FAM78B: variants seen among roughly 807,000 people sequenced by gnomAD.
The protein encoded by FAM78B is protein FAM78B.
In FAM78B, 10 loss-of-function variants were observed where a neutral mutation model predicts 20.0. That is an observed-to-expected ratio of 0.50 (90% CI 0.31 to 0.85). FAM78B has a LOEUF of 0.85. Among genes scored for constraint, FAM78B ranks in the 40% least tolerant of loss-of-function variants. FAM78B has a pLI of 0.05. For missense variants in FAM78B, 283 were observed against 345.0 expected (o/e 0.82, Z 1.42); for synonymous variants, 135 against 132.8 (o/e 1.02, Z -0.12).
At chr1:166,095,874 C>T (rs780536702) in intron 1 of FAM78B, among the ~76,000 whole-genome samples, 14 of 151,972 alleles carry the variant, frequency 9.2e-5, no homozygotes, top group Non-Finnish European at 1.9e-4. Context: ...GTGCTGGCTC[C>T]CAGGATCAGT....
chr1:166,077,871 TAA>T (rs1263877441), intron 1 of FAM78B, among the ~76,000 whole-genome samples: 15,616 of 33,136 alleles, frequency 0.47, 2,648 homozygotes, highest in Admixed American at 0.6. Flanking sequence ...TTTATATATA[TAA>T]TTATATATAT....
At chr1:166,078,553 G>C (rs7533518) in intron 1 of FAM78B, among the ~76,000 whole-genome samples, 1 of 152,120 alleles carries the variant, frequency 6.6e-6, no homozygotes. Context: ...ATCATGTTAA[G>C]CATTTCATTC....
At chr1:166,134,573 G>A (rs1655004963) in intron 1 of FAM78B, among the ~76,000 whole-genome samples, 1 of 152,060 alleles carries the variant, frequency 6.6e-6, no homozygotes, top group South Asian at 2.1e-4. Flanking sequence ...TAAAAAGACT[G>A]GAGCATAAAT....
At chr1:166,151,510 T>G (rs1198017859) in intron 1 of FAM78B, among the ~76,000 whole-genome samples, 5 of 152,228 alleles carry the variant, frequency 3.3e-5, no homozygotes, top group Non-Finnish European at 7.3e-5. Flanking sequence ...ATTCCTGGGT[T>G]CTGATCCAGA....
chr1:166,155,948 C>T (rs1181621816), intron 1 of FAM78B, among the ~76,000 whole-genome samples: 21 of 152,316 alleles, frequency 1.4e-4, no homozygotes, highest in Admixed American at 1.3e-3. Context: ...CTTGGACTTG[C>T]CAAAGCCTGT....
intron 1 of FAM78B, among the ~76,000 whole-genome samples, chr1:166,135,767 C>G (rs1479702774): frequency 6.6e-6 from 1 of 152,226 alleles, no homozygotes; most frequent in Non-Finnish European, 1.5e-5. Context: ...AGCCATAGCA[C>G]TTTTAACTCA....
chr1:166,121,578 G>A (rs1654466734), intron 1 of FAM78B, among the ~76,000 whole-genome samples: 1 of 152,158 alleles, frequency 6.6e-6, no homozygotes, highest in South Asian at 2.1e-4. Flanking sequence ...TCTAAAGCAT[G>A]GGTCCCAGGG....
chr1:166,064,203 T>C (rs895273237), intron 2 of FAM78B, among the ~76,000 whole-genome samples: 2 of 152,238 alleles, frequency 1.3e-5, no homozygotes, highest in East Asian at 1.9e-4. Flanking sequence ...CTGGGGACTG[T>C]AGGGTACAAA....
intron 1 of FAM78B, among the ~76,000 whole-genome samples, chr1:166,117,945 C>T (rs554297825): frequency 7.4e-4 from 112 of 152,136 alleles, no homozygotes; most frequent in Non-Finnish European, 1.1e-3. Flanking sequence ...CCCGACATGA[C>T]GCAATTGGGA....
intron 1 of FAM78B, among the ~76,000 whole-genome samples, chr1:166,081,828 A>C (rs1196264069): frequency 6.6e-6 from 1 of 152,142 alleles, no homozygotes; most frequent in African/African-American, 2.4e-5. Context: ...CCAAAAGATG[A>C]GGGGGAATCG....
intron 1 of FAM78B, among the ~76,000 whole-genome samples, chr1:166,108,455 G>C (rs543199763): frequency 6.6e-6 from 1 of 151,998 alleles, no homozygotes; most frequent in South Asian, 2.1e-4. Flanking sequence ...CCTAATCAAG[G>C]AGTCAAAAGA....
chr1:166,079,538 C>T (rs950314102), intron 1 of FAM78B, among the ~76,000 whole-genome samples: 3 of 152,106 alleles, frequency 2.0e-5, no homozygotes, highest in Admixed American at 6.5e-5. Context: ...GTGTTGGGTG[C>T]CCACATGCAA....
At chr1:166,107,080 C>T (rs1290761802) in intron 1 of FAM78B, among the ~76,000 whole-genome samples, 6 of 152,074 alleles carry the variant, frequency 3.9e-5, no homozygotes, top group Admixed American at 3.3e-4. Flanking sequence ...TCTAAGGTCA[C>T]ACCTCAAGGA....
At chr1:166,108,680 C>CA (rs1295756621) in intron 1 of FAM78B, among the ~76,000 whole-genome samples, 4 of 151,980 alleles carry the variant, frequency 2.6e-5, no homozygotes, top group African/African-American at 9.7e-5. Context: ...CATACGGAAA[C>CA]AAAAAAGAGC....
intron 1 of FAM78B, among the ~76,000 whole-genome samples, chr1:166,079,492 C>T (rs1652480409): frequency 6.6e-6 from 1 of 152,138 alleles, no homozygotes; most frequent in South Asian, 2.1e-4. Context: ...CAGAGGGTGG[C>T]TGTTTGTTGG....
chr1:166,129,706 T>G (rs1654800142), intron 1 of FAM78B, among the ~76,000 whole-genome samples: 1 of 152,172 alleles, frequency 6.6e-6, no homozygotes, highest in African/African-American at 2.4e-5. Context: ...TTTCTTCACC[T>G]TCACAGACCC....
chr1:166,134,121 C>A (rs1654983377), intron 1 of FAM78B, among the ~76,000 whole-genome samples: 1 of 152,170 alleles, frequency 6.6e-6, no homozygotes, highest in African/African-American at 2.4e-5. Flanking sequence ...ACTGTCCCTA[C>A]AACATTCAGT....
chr1:166,081,532 GC>G (rs1166781923), intron 1 of FAM78B, among the ~76,000 whole-genome samples: 1 of 152,130 alleles, frequency 6.6e-6, no homozygotes, highest in East Asian at 1.9e-4. Flanking sequence ...CCTGCAGAGC[GC>G]CGTGCAGGCC....
Position 166,166,443 on chromosome 1 carries a change from G to T in FAM78B, c.-195C>A, listed in dbSNP as rs1656394194. ...CTTGCAGCCGCGCGGGGTCCCCGCT[G>T]CCCCGACGTCCGCCCACGCCCGCCC... On this transcript the variant is annotated 5_prime_UTR_variant, in exon 1 of 2. Coordinates refer to ENST00000354422, the MANE Select transcript of FAM78B (RefSeq NM_001017961.5). 1 of 274,650 alleles carries T rather than the reference G, an allele frequency of 3.6e-6. No homozygotes were observed. The highest frequency in any genetic ancestry group is 5.6e-6 in the Non-Finnish European group (1 of 178,058). 17.0% of individuals were successfully genotyped at this position (274,650 alleles called of 1,614,324 possible).
Sources: gnomAD v4.1 joint callset for allele counts (sites outside exome capture counted in the v4.1 genomes callset) on GRCh38, gnomAD v4.1.1 for gene constraint, MANE v1.5 for transcripts, NCBI Gene and HGNC (gene_info 2026-07-23, HGNC 2026-07-21) for gene names.